The following GOLM2 variants were observed in gnomAD, a reference collection of about 807,000 sequenced individuals.
GOLM2 encodes protein GOLM2.
GOLM2 carries 26 observed loss-of-function variants against 55.9 expected under a neutral mutation model. The ratio of observed to expected loss-of-function variants is 0.47; its 90% CI spans 0.34 to 0.65. GOLM2 has a LOEUF of 0.65. GOLM2 is among the 30% of genes least tolerant of loss of function. The probability of loss-of-function intolerance (pLI) is 0.01; values close to 1 mark genes in which losing one functional copy is unlikely to be tolerated. For synonymous variants in GOLM2, 165 were observed against 194.6 expected (o/e 0.85, Z 1.27); for missense variants, 486 against 531.8 (o/e 0.91, Z 0.85).
chr15:44,391,701 A>G (rs1425393887), intron 8 of GOLM2, among the ~76,000 whole-genome samples: 1 of 152,176 alleles, frequency 6.6e-6, no homozygotes, highest in Non-Finnish European at 1.5e-5. Context: ...GTTAGATGAA[A>G]TGGCCAATGT....
At chr15:44,307,178 G>A in intron 1 of GOLM2, 1 of 153,190 alleles carries the variant, frequency 6.5e-6, no homozygotes, top group African/African-American at 2.4e-5. Flanking sequence ...TCAGGGACTT[G>A]TCTCATAAGC....
chr15:44,396,524 TTATC>T (rs1466064862), intron 8 of GOLM2, among the ~76,000 whole-genome samples: 3 of 152,216 alleles, frequency 2.0e-5, no homozygotes, highest in East Asian at 1.9e-4. Flanking sequence ...AGGTTAAAGT[TTATC>T]TATTCCACAT....
At chr15:44,313,419 A>G (rs1293702776) in intron 1 of GOLM2, among the ~76,000 whole-genome samples, 2 of 151,996 alleles carry the variant, frequency 1.3e-5, no homozygotes, top group African/African-American at 4.8e-5. Flanking sequence ...CTCTCAGTTT[A>G]CTTCTTAGTC....
At chr15:44,356,839 C>A (rs1262053995) in intron 6 of GOLM2, among the ~76,000 whole-genome samples, 1 of 152,082 alleles carries the variant, frequency 6.6e-6, no homozygotes, top group Non-Finnish European at 1.5e-5. Flanking sequence ...TGCAAAAATT[C>A]TCAATGAAAT....
At chr15:44,400,545 A>G (rs964174601) in intron 8 of GOLM2, among the ~76,000 whole-genome samples, 2 of 144,078 alleles carry the variant, frequency 1.4e-5, no homozygotes, top group African/African-American at 2.6e-5. Context: ...TTGAACTCCC[A>G]ACCTCAGGCC....
At chr15:44,313,248 A>G (rs1237676248) in intron 1 of GOLM2, among the ~76,000 whole-genome samples, 2 of 152,172 alleles carry the variant, frequency 1.3e-5, no homozygotes, top group African/African-American at 4.8e-5. Context: ...GTGAAACTCC[A>G]TATCAAAAAT....
At chr15:44,309,947 GATCTTGGCTCACTGC>G (rs1371555187) in intron 1 of GOLM2, among the ~76,000 whole-genome samples, 2 of 151,828 alleles carry the variant, frequency 1.3e-5, no homozygotes, top group Non-Finnish European at 2.9e-5. Context: ...GCAGTGGCAT[GATCTTGGCTCACTGC>G]AACCTCCGCC....
chr15:44,328,588 G>T, intron 2 of GOLM2, 97 bp from the exon 3 acceptor site: 1 of 666,812 alleles, frequency 1.5e-6, no homozygotes, highest in Non-Finnish European at 2.5e-6. Flanking sequence ...AAGAAATTGA[G>T]AATTATGTAT....
At chr15:44,411,370 A>G (rs1269583689) in intron 9 of GOLM2, among the ~76,000 whole-genome samples, 3 of 152,164 alleles carry the variant, frequency 2.0e-5, no homozygotes, top group Non-Finnish European at 2.9e-5. Context: ...AAAACCTCTC[A>G]TACCTAAAGT....
chr15:44,326,320 T>C (rs1013253208), intron 2 of GOLM2, among the ~76,000 whole-genome samples: 1 of 151,158 alleles, frequency 6.6e-6, no homozygotes, highest in Admixed American at 6.6e-5. Flanking sequence ...GCAAAGATAA[T>C]GATTAACTAC....
At chr15:44,353,879 G>T (rs1007601150) in intron 6 of GOLM2, among the ~76,000 whole-genome samples, 1 of 152,162 alleles carries the variant, frequency 6.6e-6, no homozygotes, top group Non-Finnish European at 1.5e-5. Context: ...TAGAACAGCA[G>T]AGTGACTAAA....
intron 1 of GOLM2, among the ~76,000 whole-genome samples, chr15:44,296,675 CTCTG>C (rs1173825820): frequency 1.3e-5 from 2 of 152,186 alleles, no homozygotes; most frequent in African/African-American, 2.4e-5. Flanking sequence ...CAGGATGGGA[CTCTG>C]TCTGTGTTCC....
At chr15:44,318,639 G>T (rs917222417) in intron 1 of GOLM2, among the ~76,000 whole-genome samples, 1 of 151,566 alleles carries the variant, frequency 6.6e-6, no homozygotes, top group African/African-American at 2.4e-5. Flanking sequence ...AACCTGGGAC[G>T]TGGAGGTTGC....
At chr15:44,378,295 G>T (rs143821669) in intron 6 of GOLM2, among the ~76,000 whole-genome samples, 14,776 of 150,712 alleles carry the variant, frequency 0.098, 1,539 homozygotes, top group African/African-American at 0.25. Context: ...GACCTCGTGA[G>T]CCGCCCGCCT....
In GOLM2 at chr15:44,309,906, C is replaced by T. The variant is rs139423922; in HGVS notation, c.328-13059C>T. On this transcript the variant is annotated intron_variant, in intron 1 of 9. Transcript: ENST00000299957. The stretch of plus-strand genomic sequence containing the variant: ...CCAGCTTTTGGTTTTTTTTTTGATA[C>T]GGAGTTTCACTCTGTTGCCCAGGCT... 7.7e-3 allele frequency among the ~76,000 whole-genome samples: 1,162 copies of T among 151,372 alleles called. 2 individuals carry two copies. Among genetic ancestry groups the T allele is most frequent in the Admixed American group, 0.012 (188 of 15,214 alleles).
At chr15:44,366,356 C>T (rs2079285546) in intron 6 of GOLM2, among the ~76,000 whole-genome samples, 2 of 144,394 alleles carry the variant, frequency 1.4e-5, no homozygotes, top group Admixed American at 1.4e-4. Context: ...TCTTAAAAAA[C>T]AATTAAAGAG....
At chr15:44,395,096 A>G (rs1271644319) in intron 8 of GOLM2, among the ~76,000 whole-genome samples, 1 of 148,558 alleles carries the variant, frequency 6.7e-6, no homozygotes, top group African/African-American at 2.5e-5. Flanking sequence ...TGCAACCTCC[A>G]CCTCCCAGGT....
intron 6 of GOLM2, among the ~76,000 whole-genome samples, chr15:44,377,039 A>G (rs1045753789): frequency 1.3e-5 from 2 of 152,206 alleles, no homozygotes; most frequent in Non-Finnish European, 1.5e-5. Flanking sequence ...GTAAAAGTCT[A>G]TCCACCAACT....
intron 8 of GOLM2, among the ~76,000 whole-genome samples, chr15:44,392,172 A>C (rs900152023): frequency 3.9e-5 from 6 of 152,108 alleles, no homozygotes; most frequent in African/African-American, 1.4e-4. Flanking sequence ...CAAACATGAA[A>C]GAATACAACC....
Sources: allele counts gnomAD v4.1 joint callset (sites outside exome capture counted in the v4.1 genomes callset), GRCh38; gene constraint gnomAD v4.1.1; transcripts MANE v1.5; gene names NCBI Gene and HGNC (gene_info 2026-07-23, HGNC 2026-07-21).